Variants in ARHGEF37 observed in about 807,000 individuals in gnomAD.
ARHGEF37 encodes Rho guanine nucleotide exchange factor 37.
A neutral mutation model predicts 71.1 loss-of-function variants in ARHGEF37; 55 were observed. The observed-to-expected ratio is 0.77, with a 90% CI of 0.62 to 0.97. The LOEUF is 0.97. Ranked by LOEUF, ARHGEF37 falls within the 50% of genes least tolerant of loss-of-function variation. ARHGEF37 has a pLI of 0.00. For synonymous variants in ARHGEF37, 327 were observed against 350.6 expected (o/e 0.93, Z 0.75); for missense variants, 765 against 836.8 (o/e 0.91, Z 1.06).
At chr5:149,552,376 AG>A (rs766581727) in intron 1 of ARHGEF37, among the ~76,000 whole-genome samples, 3 of 151,850 alleles carry the variant, frequency 2.0e-5, no homozygotes, top group Non-Finnish European at 4.4e-5. Context: ...AATCGATCAG[AG>A]AATCAAATTT....
intron 1 of ARHGEF37, among the ~76,000 whole-genome samples, chr5:149,594,635 A>T (rs1763496082): frequency 6.6e-6 from 1 of 152,252 alleles, no homozygotes; most frequent in Admixed American, 6.5e-5. Context: ...AGAGGAGGAT[A>T]CAAGATGAAT....
chr5:149,580,960 T>G (rs886732833), upstream of ARHGEF37, among the ~76,000 whole-genome samples: 1 of 152,200 alleles, frequency 6.6e-6, no homozygotes, highest in African/African-American at 2.4e-5. Context: ...TGTTGTGTTC[T>G]CTGTGCCCAG....
At chr5:149,580,294 C>T (rs1396930399), upstream of ARHGEF37, among the ~76,000 whole-genome samples, 1 of 151,558 alleles carries the variant, frequency 6.6e-6, no homozygotes, top group South Asian at 2.1e-4. Flanking sequence ...CTCTTGACCT[C>T]GTGATCTGCC....
chr5:149,595,016 G>T (rs991067689), intron 1 of ARHGEF37, among the ~76,000 whole-genome samples: 1 of 152,178 alleles, frequency 6.6e-6, no homozygotes, highest in Non-Finnish European at 1.5e-5. Context: ...TTCGGGAAAG[G>T]ACACAATTAT....
intron 3 of ARHGEF37, among the ~76,000 whole-genome samples, chr5:149,607,969 T>C (rs1763963969): frequency 6.6e-6 from 1 of 151,976 alleles, no homozygotes. Context: ...GGGATTTCAT[T>C]GTGTTAGCCA....
At chr5:149,616,813 A>C (rs1752397541) in intron 5 of ARHGEF37, 47 bp downstream of exon 5, 1 of 1,507,752 alleles carries the variant, frequency 6.6e-7, no homozygotes, top group African/African-American at 1.4e-5. Context: ...GAATGCTTCC[A>C]GTTACAGAAA....
chr5:149,571,997 A>G (rs1429859789), intron 1 of ARHGEF37, among the ~76,000 whole-genome samples: 1 of 152,002 alleles, frequency 6.6e-6, no homozygotes, highest in East Asian at 1.9e-4. Context: ...ACAACCCTGG[A>G]AAATAAGAAC....
At position 149,632,214 on chromosome 5, in the gene ARHGEF37, T is replaced by A; in HGVS notation, c.*23T>A. 3 of 1,609,326 alleles carry A rather than the reference T, an allele frequency of 1.9e-6. No individual in the cohort carries two copies. The highest frequency in any genetic ancestry group is 2.5e-6 in the Non-Finnish European group (3 of 1,176,526). On this transcript the variant is annotated 3_prime_UTR_variant, in exon 13 of 13. Transcript: ENST00000333677. ...TAGGGTACCCTCTTTGGAGCCTACA[T>A]TGCCAAATGATGGGGGAGGCTTAGA...
chr5:149,565,135 G>A (rs1762884055), intron 1 of ARHGEF37, among the ~76,000 whole-genome samples: 1 of 152,138 alleles, frequency 6.6e-6, no homozygotes, highest in African/African-American at 2.4e-5. Context: ...TCAGAACAAG[G>A]TAAATGAAAA....
chr5:149,625,659 G>T (rs543158896), intron 10 of ARHGEF37, among the ~76,000 whole-genome samples: 1 of 152,338 alleles, frequency 6.6e-6, no homozygotes, highest in African/African-American at 2.4e-5. Context: ...CCGACTAGGG[G>T]TGTGCCGTGG....
chr5:149,588,720 TG>T (rs1216628453), intron 1 of ARHGEF37, among the ~76,000 whole-genome samples: 1 of 151,990 alleles, frequency 6.6e-6, no homozygotes, highest in Non-Finnish European at 1.5e-5. Context: ...CTTCCTTAAA[TG>T]TTTAAATGGG....
upstream of ARHGEF37, among the ~76,000 whole-genome samples, chr5:149,577,467 A>C (rs896294044): frequency 6.6e-6 from 1 of 152,188 alleles, no homozygotes; most frequent in Non-Finnish European, 1.5e-5. Context: ...GGCACAACTT[A>C]CCTCTTTCTT....
At chr5:149,552,053 G>C (rs1270664254) in exon 1 of ARHGEF37, 2 of 152,070 alleles carry the variant, frequency 1.3e-5, no homozygotes, top group Non-Finnish European at 2.9e-5. Flanking sequence ...AAAGAAGCCG[G>C]AATCCCCCTG....
chr5:149,593,046 A>G (rs1763455981), intron 1 of ARHGEF37, among the ~76,000 whole-genome samples: 1 of 152,196 alleles, frequency 6.6e-6, no homozygotes, highest in South Asian at 2.1e-4. Flanking sequence ...CTGAGATTAC[A>G]GGTGTAAGCC....
intron 1 of ARHGEF37, among the ~76,000 whole-genome samples, chr5:149,582,963 A>G (rs769600521): frequency 5.3e-5 from 8 of 152,196 alleles, no homozygotes; most frequent in Non-Finnish European, 7.3e-5. Context: ...AGACCACACC[A>G]CATACCTTCG....
intron 1 of ARHGEF37, among the ~76,000 whole-genome samples, chr5:149,565,829 ATTTTTTTTTTTT>A (rs201683478): frequency 2.2e-4 from 19 of 84,572 alleles, no homozygotes; most frequent in East Asian, 8.3e-4. Flanking sequence ...AGAAACTCTA[ATTTTTTTTTTTT>A]TTTTTTTTTT....
chr5:149,591,637 G>T (rs908036471), intron 1 of ARHGEF37, among the ~76,000 whole-genome samples: 7 of 152,192 alleles, frequency 4.6e-5, no homozygotes, highest in Non-Finnish European at 8.8e-5. Flanking sequence ...GACTTATGAT[G>T]ATTCGACTTT....
chr5:149,625,515 C>A (rs1310762196), intron 10 of ARHGEF37, among the ~76,000 whole-genome samples: 1 of 152,238 alleles, frequency 6.6e-6, no homozygotes, highest in African/African-American at 2.4e-5. Flanking sequence ...TAGCCCACAC[C>A]TGGCCCAAGT....
chr5:149,612,627 C>A lies in ARHGEF37; in HGVS notation c.458+2932C>A, dbSNP rs577819490. ...TATTTAGGTTCTTAGAAGTGTAACA[C>A]ATTTCGAGGCCTTTGTTCAGTTTCT... On this transcript the variant is annotated intron_variant, in intron 4 of 12. Coordinates refer to ENST00000333677, the MANE Select transcript of ARHGEF37 (RefSeq NM_001001669.3). Among the ~76,000 whole-genome samples, 5 of 152,338 alleles carry A rather than the reference C, an allele frequency of 3.3e-5. 1 individual carries two copies. In the South Asian group the frequency reaches 8.3e-4, roughly 25 times the overall value.
Sources: gnomAD v4.1 joint callset for allele counts (sites outside exome capture counted in the v4.1 genomes callset) on GRCh38, gnomAD v4.1.1 for gene constraint, MANE v1.5 for transcripts, NCBI Gene and HGNC (gene_info 2026-07-23, HGNC 2026-07-21) for gene names.